TGM7: variants seen among roughly 807,000 people sequenced by gnomAD.
TGM7 encodes transglutaminase 7, also known as protein-glutamine gamma-glutamyltransferase Z.
Under a neutral mutation model 79.5 loss-of-function variants are expected in TGM7, and 74 were observed. The ratio of observed to expected loss-of-function variants is 0.93; its 90% CI spans 0.77 to 1.13. TGM7 has a LOEUF of 1.13. Among genes scored for constraint, TGM7 ranks in the 50% most tolerant of loss-of-function variants. TGM7 has a pLI of 0.00. For synonymous variants in TGM7, 354 were observed against 362.5 expected (o/e 0.98, Z 0.27); for missense variants, 912 against 905.9 (o/e 1.01, Z -0.09).
chr15:43,279,839 C>T lies in TGM7; in HGVS notation c.1464G>A (p.Gln488=), dbSNP rs1566842585. The change falls in exon 10 of 13, where the codon CAG becomes CAA. Residue 488 remains glutamine (Q), a synonymous_variant. Transcript: ENST00000452443. ...DLLESGGLRD[Q]PAQLQLHLAR... Reference sequence around the variant, plus strand: ...CCAGGTGAAGCTGCAGCTGCGCTGGCTGATCCCTAAGACCCCCAGACTCCA... The same window carrying T: ...CCAGGTGAAGCTGCAGCTGCGCTGGTTGATCCCTAAGACCCCCAGACTCCA... 1 of 1,614,260 alleles carries T rather than the reference C, an allele frequency of 6.2e-7. No homozygotes were observed. The highest frequency in any genetic ancestry group is 8.5e-7 in the Non-Finnish European group (1 of 1,180,052).
At chr15:43,280,045 A>T in intron 9 of TGM7, 94 bp from the exon 10 acceptor site, 1 of 1,226,690 alleles carries the variant, frequency 8.2e-7, no homozygotes, top group Non-Finnish European at 1.2e-6. Flanking sequence ...ATAGCAGCAC[A>T]GGGAGGCGGC....
rs761821797 is a variant in TGM7 at position 43,276,449 on chromosome 15, C to G, written c.*6G>C. 2 of 1,608,218 alleles carry G rather than the reference C, an allele frequency of 1.2e-6. No individual in the cohort carries two copies. Among genetic ancestry groups the G allele is most frequent in the East Asian group, 2.2e-5 (1 of 44,796 alleles). On this transcript the variant is annotated 3_prime_UTR_variant, in exon 13 of 13. Coordinates refer to ENST00000452443, the MANE Select transcript of TGM7 (RefSeq NM_052955.3). The stretch of plus-strand genomic sequence containing the variant: ...GGTGCCAGGGAGGGCAGCTGGAGGG[C>G]GGGTCTCAGGGAGCCCCAGCCACAG...
rs1171546559 is a variant in TGM7 at position 43,276,438 on chromosome 15, C to T, written c.*17G>A. The stretch of plus-strand genomic sequence containing the variant: ...GGTGGGGCAGGGGTGCCAGGGAGGG[C>T]AGCTGGAGGGCGGGTCTCAGGGAGC... On this transcript the variant is annotated 3_prime_UTR_variant, in exon 13 of 13. Coordinates refer to ENST00000452443, the MANE Select transcript of TGM7 (RefSeq NM_052955.3). 2.0e-5 allele frequency: 32 copies of T among 1,604,934 alleles called. No individual in the cohort carries two copies. Among genetic ancestry groups the T allele is most frequent in the Non-Finnish European group, 2.7e-5 (32 of 1,175,252 alleles).
Position 43,276,322 on chromosome 15 carries a change from G to T in TGM7, c.*133C>A. On this transcript the variant is annotated 3_prime_UTR_variant, in exon 13 of 13. Transcript: ENST00000452443. ...ATTGTCTCTTCCCAAAGCACACGGTGTTTCTAACAGAGCTTCATTCATTCC... is the reference window on the plus strand; with the variant it reads ...ATTGTCTCTTCCCAAAGCACACGGTTTTTCTAACAGAGCTTCATTCATTCC... 1 of 1,072,848 alleles carries T rather than the reference G, an allele frequency of 9.3e-7. No individual in the cohort carries two copies. The highest frequency in any genetic ancestry group is 1.3e-6 in the Non-Finnish European group (1 of 745,182). 66.5% of individuals were successfully genotyped at this position (1,072,848 alleles called of 1,614,324 possible).
intron 11 of TGM7, 61 bp from the exon 12 acceptor site, chr15:43,277,056 A>G (rs1484421375): frequency 1.3e-6 from 2 of 1,583,936 alleles, no homozygotes; most frequent in South Asian, 1.1e-5. Flanking sequence ...ACTCTGGTTC[A>G]GTTACCCCCA....
At chr15:43,290,840 G>T (rs1422345457) in intron 4 of TGM7, among the ~76,000 whole-genome samples, 1 of 152,166 alleles carries the variant, frequency 6.6e-6, no homozygotes, top group South Asian at 2.1e-4. Context: ...GTGAATGGGA[G>T]TTCACTCATG....
chr15:43,279,363 A>T, intron 10 of TGM7, 86 bp from the exon 11 acceptor site: 1 of 1,447,854 alleles, frequency 6.9e-7, no homozygotes, highest in Admixed American at 2.1e-5. Flanking sequence ...AAAAATTAGA[A>T]TTTTCACGTG....
chr15:43,282,034 G>A lies in TGM7; in HGVS notation c.1161C>T (p.Val387=), dbSNP rs1009007198. 2 of 1,614,132 alleles carry A rather than the reference G, an allele frequency of 1.2e-6. No individual in the cohort carries two copies. Among genetic ancestry groups the A allele is most frequent in the South Asian group, 2.2e-5 (2 of 91,072 alleles). ...ASVKAIREGD[V]HLAYDTPFVY... is the part of the protein sequence containing the mutation. ...CAAAAGGGGTGTCATAGGCCAGGTG[G>A]ACATCCCCTTCCCTGATGGCCTTCA... is the stretch of plus-strand genomic sequence containing the variant. Residue 387 remains valine, a synonymous_variant, in exon 9 of 13, where the codon GTC becomes GTT. Transcript: ENST00000452443.
At position 43,292,825 on chromosome 15, in the gene TGM7, G is replaced by T. The variant is rs144550213; in HGVS notation, c.323C>A (p.Pro108Gln). The change falls in exon 3 of 13, where the codon CCA becomes CAA. Residue 108 changes from proline (P) to glutamine (Q), a missense_variant. Pro to Gln is a moderately conservative substitution (Grantham distance 76). Transcript: ENST00000452443. ...GTAATGGCCAATAACTGCATTGGCT[G>T]GTGTGAAAAGGGAAACTTGGAGAGA... Reference protein sequence around the residue: ...SNSLQVSLFTPANAVIGHYTL... With the variant: ...SNSLQVSLFTQANAVIGHYTL... The T allele has an allele frequency of 4.3e-5, 69 of 1,614,008 alleles. No individual in the cohort carries two copies. In the African/African-American group the frequency reaches 6.9e-4, roughly 16 times the overall value.
chr15:43,299,422 C>G lies in TGM7; in HGVS notation c.10+2819G>C, dbSNP rs146638926. Among the ~76,000 whole-genome samples, 433 of 152,302 alleles carry G rather than the reference C, an allele frequency of 2.8e-3. 2 individuals carry two copies. The highest frequency in any genetic ancestry group is 9.9e-3 in the African/African-American group (411 of 41,548). ...CCCTATGTGTGCAAGGGGCTGGCAT[C>G]CCTGGGCATATGGCAGGCTAATAAA... is the stretch of plus-strand genomic sequence containing the variant. On this transcript the variant is annotated intron_variant, in intron 1 of 12. Coordinates refer to ENST00000452443, the MANE Select transcript of TGM7 (RefSeq NM_052955.3).
intron 9 of TGM7, among the ~76,000 whole-genome samples, chr15:43,280,945 A>T (rs935852001): frequency 6.6e-6 from 1 of 152,242 alleles, no homozygotes; most frequent in Non-Finnish European, 1.5e-5. Context: ...TTTGGGTAGC[A>T]AGAGCAAGGA....
At chr15:43,278,944 C>A (rs370590472) in intron 11 of TGM7, among the ~76,000 whole-genome samples, 173 bp downstream of exon 11, 7 of 152,220 alleles carry the variant, frequency 4.6e-5, no homozygotes, top group African/African-American at 1.7e-4. Context: ...CTTTGAGAAG[C>A]CTTCATGCCC....
At chr15:43,281,753 G>C in intron 9 of TGM7, 91 bp downstream of exon 9, 2 of 1,551,988 alleles carry the variant, frequency 1.3e-6, no homozygotes, top group Non-Finnish European at 1.8e-6. Context: ...GAGGTGATTC[G>C]ATGGTGATGG....
At position 43,294,435 on chromosome 15, in the gene TGM7, G is replaced by T. The variant is rs550297756; in HGVS notation, c.11-804C>A. Among the ~76,000 whole-genome samples, 3 of 152,278 alleles carry T rather than the reference G, an allele frequency of 2.0e-5. No homozygotes were observed. In the South Asian group the frequency reaches 6.2e-4, roughly 32 times the overall value. On this transcript the variant is annotated intron_variant, in intron 1 of 12. Transcript: ENST00000452443. ...TCGAGCAAGTCACTTAATATCCCTA[G>T]ACATCAGTGTCCTCATCTGAAAAAT...
intron 6 of TGM7, among the ~76,000 whole-genome samples, chr15:43,286,909 G>T (rs1201409371): frequency 6.6e-6 from 1 of 152,204 alleles, no homozygotes; most frequent in Non-Finnish European, 1.5e-5. Context: ...GGTGAGGTCA[G>T]CTATCTCACG....
chr15:43,276,690 G>T (rs1037596386), intron 12 of TGM7, 76 bp from the exon 13 acceptor site: 2 of 1,554,038 alleles, frequency 1.3e-6, no homozygotes, highest in African/African-American at 2.7e-5. Context: ...TCCCCTCTGG[G>T]TGGGTAAGAG....
intron 9 of TGM7, among the ~76,000 whole-genome samples, chr15:43,280,609 G>A (rs1444586123): frequency 1.3e-5 from 2 of 151,804 alleles, no homozygotes; most frequent in African/African-American, 4.9e-5. Context: ...GGCAACAAGA[G>A]TGAAACTCCG....
intron 1 of TGM7, among the ~76,000 whole-genome samples, chr15:43,295,763 G>T (rs1221406804): frequency 6.6e-6 from 1 of 152,174 alleles, no homozygotes; most frequent in East Asian, 1.9e-4. Context: ...AACAGAATAT[G>T]CATAAGGATC....
rs761821797 is a variant in TGM7, at chr15:43,276,449, C to T, written c.*6G>A. 12 of 1,608,098 alleles carry T rather than the reference C, an allele frequency of 7.5e-6. No homozygotes were observed. Among genetic ancestry groups the T allele is most frequent in the East Asian group, 6.7e-5 (3 of 44,808 alleles). ...GGTGCCAGGGAGGGCAGCTGGAGGG[C>T]GGGTCTCAGGGAGCCCCAGCCACAG... On this transcript the variant is annotated 3_prime_UTR_variant, in exon 13 of 13. Coordinates refer to ENST00000452443, the MANE Select transcript of TGM7 (RefSeq NM_052955.3).
Sources: gnomAD v4.1 joint callset for allele counts (sites outside exome capture counted in the v4.1 genomes callset) on GRCh38, gnomAD v4.1.1 for gene constraint, MANE v1.5 for transcripts, NCBI Gene and HGNC (gene_info 2026-07-23, HGNC 2026-07-21) for gene names.